The following CFAP68 variants were observed in gnomAD, a reference collection of about 807,000 sequenced individuals.
CFAP68 encodes cilia- and flagella-associated protein 68.
chr11:111,879,996 A>T, the CFAP68 span, among the ~76,000 whole-genome samples: 11 of 152,316 alleles, frequency 7.2e-5, no homozygotes, highest in East Asian at 1.9e-3. Context: ...ACACAATTGG[A>T]GGGAGAGTAA....
the CFAP68 span, chr11:111,880,718 T>G: frequency 2.2e-6 from 1 of 454,878 alleles, no homozygotes; most frequent in Non-Finnish European, 4.4e-6. Context: ...TCTTTATTCC[T>G]TTACTTTCTT....
the CFAP68 span, among the ~76,000 whole-genome samples, chr11:111,879,954 A>T: frequency 5.3e-5 from 8 of 152,350 alleles, no homozygotes; most frequent in South Asian, 6.2e-4. Context: ...CAAAAGCTTG[A>T]TGGAGAAACA....
At chr11:111,882,448 A>G in the CFAP68 span, 42 of 1,614,118 alleles carry the variant, frequency 2.6e-5, 1 homozygote, top group Admixed American at 6.5e-4. Flanking sequence ...AAGTGTGGAC[A>G]GATTGGAATA....
chr11:111,883,340 A>G, the CFAP68 span: 2 of 724,542 alleles, frequency 2.8e-6, no homozygotes, highest in Non-Finnish European at 4.6e-6. Flanking sequence ...CTGTAACCCC[A>G]GCACTTTGTG....
At chr11:111,883,839 A>G in the CFAP68 span, 21 of 1,613,280 alleles carry the variant, frequency 1.3e-5, no homozygotes, top group Middle Eastern at 3.3e-4. Flanking sequence ...ATACAAATGC[A>G]CAGAAAAGTC....
At chr11:111,883,405 C>T in the CFAP68 span, among the ~76,000 whole-genome samples, 2 of 151,910 alleles carry the variant, frequency 1.3e-5, no homozygotes, top group Admixed American at 6.6e-5. Context: ...GCCTGGCCAG[C>T]GTGGTGAAAC....
At chr11:111,885,508 G>A in the CFAP68 span, 1 of 152,194 alleles carries the variant, frequency 6.6e-6, no homozygotes, top group Non-Finnish European at 1.5e-5. Flanking sequence ...GAGGATGTTA[G>A]AGTAAGGTAT....
At chr11:111,883,152 A>G in the CFAP68 span, 4 of 1,580,062 alleles carry the variant, frequency 2.5e-6, no homozygotes, top group South Asian at 1.1e-5. Context: ...CACTACTTTG[A>G]AACAACATAT....
At chr11:111,882,551 A>G in the CFAP68 span, 2 of 1,613,526 alleles carry the variant, frequency 1.2e-6, no homozygotes, top group Non-Finnish European at 1.7e-6. Flanking sequence ...GAACCAGGAA[A>G]GATATGACCT....
the CFAP68 span, chr11:111,881,745 G>A: frequency 2.7e-6 from 3 of 1,094,858 alleles, no homozygotes; most frequent in East Asian, 5.2e-5. Flanking sequence ...TTGATTGGGA[G>A]AACAGGCAGA....
chr11:111,883,873 A>T, the CFAP68 span: 3 of 1,592,388 alleles, frequency 1.9e-6, no homozygotes, highest in Non-Finnish European at 2.6e-6. Flanking sequence ...AGCTATTCAA[A>T]GCCTTAAATT....
At chr11:111,881,615 G>A in the CFAP68 span, 1 of 1,531,200 alleles carries the variant, frequency 6.5e-7, no homozygotes, top group Middle Eastern at 1.7e-4. Context: ...CTTCAGGAAA[G>A]GTATCATCTT....
chr11:111,883,140 G>T, the CFAP68 span: 1 of 1,576,022 alleles, frequency 6.3e-7, no homozygotes, highest in East Asian at 2.3e-5. Flanking sequence ...TTCCAGTTTG[G>T]ACACTACTTT....
At chr11:111,880,329 AAT>A in the CFAP68 span, among the ~76,000 whole-genome samples, 1 of 152,208 alleles carries the variant, frequency 6.6e-6, no homozygotes, top group Non-Finnish European at 1.5e-5. Context: ...CTCCGTCTTG[AAT>A]AGGGGCTAGG....
chr11:111,880,451 C>T, the CFAP68 span, among the ~76,000 whole-genome samples: 1 of 152,142 alleles, frequency 6.6e-6, no homozygotes, highest in Non-Finnish European at 1.5e-5. Flanking sequence ...GCTGATAAAA[C>T]GGGTTGCAGT....
At chr11:111,884,136 G>T in the CFAP68 span, 1 of 331,086 alleles carries the variant, frequency 3.0e-6, no homozygotes, top group Non-Finnish European at 5.5e-6. Context: ...ATTTAATACA[G>T]CAACTCAGTT....
chr11:111,881,396 T>G, the CFAP68 span: 1 of 1,524,484 alleles, frequency 6.6e-7, no homozygotes, highest in African/African-American at 1.4e-5. Context: ...TTGGCTTTGT[T>G]TCTGCCTGTG....
At chr11:111,883,740 G>A in the CFAP68 span, 3 of 1,483,194 alleles carry the variant, frequency 2.0e-6, no homozygotes, top group Non-Finnish European at 1.9e-6. Context: ...GTTTTCATTT[G>A]TCTTTCCTTC....
At chr11:111,883,922 C>A in the CFAP68 span, 3 of 1,332,318 alleles carry the variant, frequency 2.3e-6, no homozygotes, top group Non-Finnish European at 3.2e-6. Flanking sequence ...TTAATATTGA[C>A]TAGTTTCACA....
Sources: allele counts gnomAD v4.1 joint callset (sites outside exome capture counted in the v4.1 genomes callset), GRCh38; gene constraint gnomAD v4.1.1; transcripts MANE v1.5; gene names NCBI Gene and HGNC (gene_info 2026-07-23, HGNC 2026-07-21).